CUX1: variants seen among roughly 807,000 people sequenced by gnomAD.
CUX1 encodes cut like homeobox 1.
A neutral mutation model predicts 158.8 loss-of-function variants in CUX1; 31 were observed. That is an observed-to-expected ratio of 0.20 (90% confidence interval 0.15 to 0.26). The LOEUF is 0.26. Ranked by LOEUF, CUX1 falls within the 10% of genes least tolerant of loss-of-function variation. The pLI, the probability that CUX1 is intolerant of heterozygous loss-of-function variation, is 1.00. For synonymous variants in CUX1, 879 were observed against 862.1 expected, an observed-to-expected ratio of 1.02 and a Z score of -0.34; for missense variants, 1,589 against 2,014.6, an observed-to-expected ratio of 0.79 and a Z score of 4.04.
chr7:101,935,314 AC>A (rs1326813077), intron 2 of CUX1, among the ~76,000 whole-genome samples: 1 of 151,810 alleles, frequency 6.6e-6, no homozygotes, highest in African/African-American at 2.4e-5. Flanking sequence ...AAACGGCCCC[AC>A]CCCTTTCTCC....
Position 102,267,204 on chromosome 7 carries a change from G to A in CUX1, c.1256-6162G>A, listed in dbSNP as rs555596484. ...AGCAGAGATACCATGTGCACCGAGCGTCTCCACCATTCCTACCTGGCCTGC... is the reference window on the plus strand; with the variant it reads ...AGCAGAGATACCATGTGCACCGAGCATCTCCACCATTCCTACCTGGCCTGC... On this transcript the variant is annotated intron_variant, in intron 14 of 22. Transcript: ENST00000292538. Among the ~76,000 whole-genome samples, 79 of 146,894 alleles carry A rather than the reference G, an allele frequency of 5.4e-4. 1 individual carries two copies. Among genetic ancestry groups the A allele is most frequent in the African/African-American group, 1.6e-3 (64 of 39,694 alleles).
At chr7:101,904,117 A>AC (rs1802475957) in intron 1 of CUX1, among the ~76,000 whole-genome samples, 2 of 143,768 alleles carry the variant, frequency 1.4e-5, no homozygotes, top group Non-Finnish European at 1.5e-5. Context: ...GTCTTTACAA[A>AC]ACACACACAC....
chr7:101,929,111 G>T (rs1284402403), intron 2 of CUX1, among the ~76,000 whole-genome samples: 1 of 152,028 alleles, frequency 6.6e-6, no homozygotes, highest in Non-Finnish European at 1.5e-5. Flanking sequence ...AGGAGATGGG[G>T]GTTGCAGTAA....
chr7:101,989,073 A>T (rs964124691), intron 2 of CUX1, among the ~76,000 whole-genome samples: 1 of 152,114 alleles, frequency 6.6e-6, no homozygotes, highest in African/African-American at 2.4e-5. Context: ...AGGCTTCCTC[A>T]TTCCATCAGA....
chr7:102,111,495 G>A lies in CUX1; in HGVS notation c.531-203G>A, dbSNP rs150847386. Reference sequence around the variant, plus strand: ...AAGCCCCACGGGTTGCACACTTGCCGTGATGTGACACGCAGTTACAAAGTT... The same window carrying A: ...AAGCCCCACGGGTTGCACACTTGCCATGATGTGACACGCAGTTACAAAGTT... On this transcript the variant is annotated intron_variant, in intron 6 of 23. Coordinates refer to ENST00000292535, the MANE Select transcript of CUX1 (RefSeq NM_181552.4). Among the ~76,000 whole-genome samples the A allele has an allele frequency of 9.0e-3, 1,372 of 152,252 alleles. 24 individuals are homozygous for A. Among genetic ancestry groups the A allele is most frequent in the African/African-American group, 0.031 (1,300 of 41,536 alleles).
In CUX1 at chr7:101,880,101, T is replaced by G. The variant is rs192948933; in HGVS notation, c.31-36014T>G. 7.0e-4 allele frequency among the ~76,000 whole-genome samples: 107 copies of G among 152,234 alleles called. 1 individual carries two copies. The South Asian group carries it at 0.012, about 17-fold the overall frequency. On this transcript the variant is annotated intron_variant, in intron 1 of 23. Transcript: ENST00000292535. ...ATTTTTTTTTAAAAAGGCTGTTTTT[T>G]TAAAAACAACTAAAGGCACAAAAAC...
chr7:102,011,120 A>AT (rs200007540), intron 2 of CUX1, among the ~76,000 whole-genome samples: 226 of 151,718 alleles, frequency 1.5e-3, no homozygotes, highest in Non-Finnish European at 1.8e-3. Context: ...TCTCAGAAAA[A>AT]TAAAAAAAAA....
At chr7:101,990,784 C>T (rs1184849546) in intron 2 of CUX1, among the ~76,000 whole-genome samples, 2 of 152,128 alleles carry the variant, frequency 1.3e-5, no homozygotes, top group African/African-American at 2.4e-5. Context: ...GCCATGAGCC[C>T]AGGGTTCTCC....
intron 18 of CUX1, among the ~76,000 whole-genome samples, chr7:102,202,673 G>A (rs541265168): frequency 1.3e-5 from 2 of 152,098 alleles, no homozygotes; most frequent in Non-Finnish European, 2.9e-5. Flanking sequence ...GAGCCAAAAG[G>A]GACTTACTAG....
intron 1 of CUX1, among the ~76,000 whole-genome samples, chr7:101,840,860 A>T (rs931748877): frequency 2.0e-5 from 3 of 151,708 alleles, no homozygotes; most frequent in African/African-American, 7.3e-5. Context: ...TTTTTGGTCT[A>T]TTGAGGTTTT....
At chr7:102,186,202 G>A (rs566281999) in intron 11 of CUX1, among the ~76,000 whole-genome samples, 2 of 152,246 alleles carry the variant, frequency 1.3e-5, no homozygotes, top group East Asian at 1.9e-4. Context: ...GGAGCCCTGC[G>A]TCTGCAGGTT....
At chr7:102,247,744 C>A (rs1800971769) in intron 23 of CUX1, among the ~76,000 whole-genome samples, 1 of 152,150 alleles carries the variant, frequency 6.6e-6, no homozygotes, top group Non-Finnish European at 1.5e-5. Context: ...TCACTCAAGC[C>A]CAGTAGTTGG....
chr7:101,930,188 A>G (rs185009644), intron 2 of CUX1, among the ~76,000 whole-genome samples: 1 of 152,292 alleles, frequency 6.6e-6, no homozygotes, highest in Non-Finnish European at 1.5e-5. Flanking sequence ...TTCCTCTTCT[A>G]TTAGATTTTT....
intron 14 of CUX1, among the ~76,000 whole-genome samples, chr7:102,267,545 A>T (rs1285700707): frequency 6.6e-6 from 1 of 152,138 alleles, no homozygotes; most frequent in Non-Finnish European, 1.5e-5. Context: ...AAGAAATAAA[A>T]AATAAAAAGA....
chr7:102,007,835 C>G (rs1200654401), intron 2 of CUX1, among the ~76,000 whole-genome samples: 1 of 151,822 alleles, frequency 6.6e-6, no homozygotes, highest in African/African-American at 2.4e-5. Flanking sequence ...ACCTCCGCCT[C>G]CTGGGTTCAA....
At chr7:102,109,907 G>A (rs566881500) in intron 6 of CUX1, among the ~76,000 whole-genome samples, 4 of 152,204 alleles carry the variant, frequency 2.6e-5, no homozygotes, top group African/African-American at 4.8e-5. Context: ...CACAATGATC[G>A]TTGAGGGACT....
At chr7:102,031,927 C>CTTT (rs140940307) in intron 3 of CUX1, among the ~76,000 whole-genome samples, 2 of 143,324 alleles carry the variant, frequency 1.4e-5, no homozygotes, top group Non-Finnish European at 1.5e-5. Context: ...ATAATTTGTA[C>CTTT]TTTTTTTTTT....
intron 10 of CUX1, among the ~76,000 whole-genome samples, chr7:102,176,605 C>G (rs920137193): frequency 1.2e-4 from 14 of 115,630 alleles, no homozygotes; most frequent in African/African-American, 4.4e-4. Flanking sequence ...CAGAGTCGCT[C>G]TGTCACCCAG....
chr7:102,211,910 C>T (rs1796578595), intron 20 of CUX1, among the ~76,000 whole-genome samples: 2 of 152,050 alleles, frequency 1.3e-5, no homozygotes, highest in Admixed American at 1.3e-4. Flanking sequence ...ACGGGAAGTC[C>T]CGGCTGATGA....
Sources: gnomAD v4.1 joint callset for allele counts (sites outside exome capture counted in the v4.1 genomes callset) on GRCh38, gnomAD v4.1.1 for gene constraint, MANE v1.5 for transcripts, NCBI Gene and HGNC (gene_info 2026-07-23, HGNC 2026-07-21) for gene names.